The following DLG1 variants were observed in gnomAD, a reference collection of about 807,000 sequenced individuals.
The protein encoded by DLG1 is discs large MAGUK scaffold protein 1.
Under a neutral mutation model 123.4 loss-of-function variants are expected in DLG1, and 42 were observed. The observed-to-expected ratio is 0.34, with a 90% CI of 0.27 to 0.44. The LOEUF (loss-of-function observed/expected upper bound fraction) is 0.44. DLG1 is among the 20% of genes least tolerant of loss of function. DLG1 has a pLI of 1.00. For synonymous variants in DLG1, 317 were observed against 356.2 expected (o/e 0.89, Z 1.24); for missense variants, 942 against 1,082.6 (o/e 0.87, Z 1.82).
chr3:197,042,868 G>A lies in DLG1; in HGVS notation c.*1755C>T, dbSNP rs948653744. On this transcript the variant is annotated 3_prime_UTR_variant, in exon 25 of 25. Transcript: ENST00000667157. ...TACATGATGCCTCAAATTGTTTCAA[G>A]AAAATGTTAGCTTGCAAAATATATT... 1.4e-5 allele frequency: 2 copies of A among 143,670 alleles called. No individual in the cohort carries two copies. Among genetic ancestry groups the A allele is most frequent in the Non-Finnish European group, 3.0e-5 (2 of 66,174 alleles). 8.9% of individuals were successfully genotyped at this position (143,670 alleles called of 1,614,324 possible). A position where few individuals can be genotyped will look rare whatever the true frequency, so the allele number is the denominator to read the frequency against.
intron 4 of DLG1, among the ~76,000 whole-genome samples, chr3:197,245,050 A>T (rs1198998055): frequency 4.6e-5 from 7 of 152,220 alleles, no homozygotes; most frequent in Admixed American, 3.9e-4. Context: ...ATAAGGCAAT[A>T]GGAAGGCACT....
At chr3:197,273,517 C>T (rs900285185) in intron 4 of DLG1, among the ~76,000 whole-genome samples, 5 of 152,078 alleles carry the variant, frequency 3.3e-5, no homozygotes, top group African/African-American at 1.2e-4. Flanking sequence ...GGATTACAGG[C>T]GTGAGCCACC....
intron 5 of DLG1, among the ~76,000 whole-genome samples, chr3:197,155,088 C>T (rs1795776933): frequency 6.6e-6 from 1 of 152,084 alleles, no homozygotes; most frequent in East Asian, 1.9e-4. Context: ...GCTCAATAAA[C>T]AATAATGAAA....
intron 18 of DLG1, chr3:197,075,728 C>T (rs914370224): frequency 3.5e-6 from 3 of 859,776 alleles, no homozygotes; most frequent in South Asian, 3.9e-5. Flanking sequence ...CTAAATCATA[C>T]ACCTCCTTAT....
chr3:197,240,281 C>T (rs961995988), intron 4 of DLG1, among the ~76,000 whole-genome samples: 3 of 152,214 alleles, frequency 2.0e-5, no homozygotes, highest in Non-Finnish European at 2.9e-5. Flanking sequence ...TCCCACACTA[C>T]TGGGACATCC....
At chr3:197,244,133 C>T (rs771612918) in intron 4 of DLG1, among the ~76,000 whole-genome samples, 2 of 152,172 alleles carry the variant, frequency 1.3e-5, no homozygotes, top group Non-Finnish European at 2.9e-5. Context: ...CCAAGAAATG[C>T]CAAGTTTTCC....
chr3:197,189,039 G>C (rs1310014623), intron 5 of DLG1, among the ~76,000 whole-genome samples: 2 of 152,134 alleles, frequency 1.3e-5, no homozygotes, highest in South Asian at 4.1e-4. Flanking sequence ...TTCCCCAAAC[G>C]AAACAGTCTT....
intron 5 of DLG1, among the ~76,000 whole-genome samples, chr3:197,174,144 T>C (rs989110961): frequency 3.9e-5 from 6 of 152,184 alleles, no homozygotes; most frequent in African/African-American, 7.2e-5. Flanking sequence ...GCCTACAGAT[T>C]GTAGCTTGCT....
At chr3:197,274,585 G>A (rs1255557142) in intron 4 of DLG1, among the ~76,000 whole-genome samples, 1 of 152,128 alleles carries the variant, frequency 6.6e-6, no homozygotes, top group Non-Finnish European at 1.5e-5. Context: ...TTTAGGTAAT[G>A]CTTCAAAAGC....
intron 6 of DLG1, among the ~76,000 whole-genome samples, chr3:197,147,286 T>C (rs548239109): frequency 6.6e-6 from 1 of 151,940 alleles, no homozygotes; most frequent in East Asian, 1.9e-4. Context: ...ATTCTACTAC[T>C]AGGTATCTAC....
At chr3:197,071,239 T>C (rs1743723001) in intron 18 of DLG1, among the ~76,000 whole-genome samples, 1 of 152,112 alleles carries the variant, frequency 6.6e-6, no homozygotes, top group African/African-American at 2.4e-5. Flanking sequence ...GAGGGGAGTG[T>C]AAGTGGGAGT....
At chr3:197,292,274 T>C (rs1271535954) in intron 3 of DLG1, among the ~76,000 whole-genome samples, 1 of 152,196 alleles carries the variant, frequency 6.6e-6, no homozygotes, top group African/African-American at 2.4e-5. Context: ...AACGGAATAT[T>C]ATTCAGCCTG....
At chr3:197,133,775 G>C (rs1783792981) in intron 10 of DLG1, among the ~76,000 whole-genome samples, 1 of 152,208 alleles carries the variant, frequency 6.6e-6, no homozygotes, top group African/African-American at 2.4e-5. Flanking sequence ...ACAGAATGAA[G>C]AGTGGCTACT....
intron 2 of DLG1, chr3:197,296,686 T>C: frequency 2.1e-6 from 1 of 467,408 alleles, no homozygotes; most frequent in Admixed American, 3.7e-5. Flanking sequence ...TAAACATATA[T>C]CACATTAGAA....
intron 5 of DLG1, among the ~76,000 whole-genome samples, chr3:197,158,132 T>C (rs991326119): frequency 3.9e-5 from 6 of 152,074 alleles, no homozygotes; most frequent in African/African-American, 1.2e-4. Flanking sequence ...AAGGAACTCA[T>C]ACAGACATTT....
Position 197,138,259 on chromosome 3 carries a change from T to C in DLG1, c.846A>G (p.Glu282=), listed in dbSNP as rs755788501. ...LYVKRRKPVS[E]KIMEIKLIKG... ...TAATGAGCTTTATTTCCATTATTTT[T>C]TCTGACACTGGTTTCCTTCTTTTTA... Residue 282 remains glutamate, a synonymous_variant, in exon 9 of 25, where the codon GAA becomes GAG. Coordinates refer to ENST00000667157, the MANE Select transcript of DLG1 (RefSeq NM_001366207.1). 6.2e-7 allele frequency: 1 copy of C among 1,603,918 alleles called. No individual in the cohort carries two copies.
chr3:197,065,142 AAATT>A (rs1191122777), intron 22 of DLG1, 130 bp downstream of exon 22: 9 of 765,610 alleles, frequency 1.2e-5, no homozygotes, highest in East Asian at 8.9e-5. Context: ...AAGCCATGGA[AAATT>A]AATTATTTAG....
In DLG1 at chr3:197,216,256, T is replaced by C. The variant is rs73086598; in HGVS notation, c.319-21667A>G. 9.8e-3 allele frequency among the ~76,000 whole-genome samples: 1,490 copies of C among 152,322 alleles called. 23 individuals are homozygous for C. The highest frequency in any genetic ancestry group is 0.033 in the African/African-American group (1,386 of 41,562). On this transcript the variant is annotated intron_variant, in intron 4 of 24. Transcript: ENST00000667157. ...CCAACTTGGTAAGTCTCTCCTTTTT[T>C]TTACTTAAGCTTTTGCTGAACACAG...
At chr3:197,208,780 C>CT (rs1310205174) in intron 4 of DLG1, among the ~76,000 whole-genome samples, 1 of 145,580 alleles carries the variant, frequency 6.9e-6, no homozygotes, top group Non-Finnish European at 1.5e-5. Flanking sequence ...AAACAGATAA[C>CT]TTTAGTTGCT....
Sources: gnomAD v4.1 joint callset for allele counts (sites outside exome capture counted in the v4.1 genomes callset) on GRCh38, gnomAD v4.1.1 for gene constraint, MANE v1.5 for transcripts, NCBI Gene and HGNC (gene_info 2026-07-23, HGNC 2026-07-21) for gene names.